Variants in FGD4 observed in about 807,000 individuals in gnomAD.
FGD4 encodes the protein FYVE, RhoGEF and PH domain containing 4, also known as FYVE, RhoGEF and PH domain-containing protein 4.
In FGD4, 42 loss-of-function variants were observed where a neutral mutation model predicts 102.0. The observed-to-expected ratio is 0.41, with a 90% CI of 0.32 to 0.53. The LOEUF is 0.53. FGD4 is among the 20% of genes least tolerant of loss of function. The pLI is 0.21. For missense variants in FGD4, 902 were observed against 1,078.2 expected, an observed-to-expected ratio of 0.84 and a Z score of 2.29; for synonymous variants, 380 against 375.7, an observed-to-expected ratio of 1.01 and a Z score of -0.13.
At chr12:32,535,461 C>T (rs895629203) in intron 1 of FGD4, among the ~76,000 whole-genome samples, 6 of 152,200 alleles carry the variant, frequency 3.9e-5, no homozygotes, top group Admixed American at 2.0e-4. Context: ...CAGCTGGCTC[C>T]GTTCCCAGGT....
intron 1 of FGD4, among the ~76,000 whole-genome samples, chr12:32,481,126 TCAAAAAA>T (rs1943749894): frequency 1.8e-4 from 1 of 5,638 alleles, no homozygotes; most frequent in African/African-American, 4.9e-4. Context: ...AGACTCCGTC[TCAAAAAA>T]AAAAAAAAAA....
At chr12:32,502,094 A>C in intron 1 of FGD4, 3 of 985,482 alleles carry the variant, frequency 3.0e-6, no homozygotes, top group Non-Finnish European at 2.4e-6. Context: ...ACACACTTCT[A>C]CCAATCGCCT....
intron 1 of FGD4, among the ~76,000 whole-genome samples, chr12:32,542,901 C>T (rs908529578): frequency 1.3e-5 from 2 of 152,150 alleles, no homozygotes; most frequent in Non-Finnish European, 2.9e-5. Flanking sequence ...TCTCTTTGTA[C>T]CCAGAGAACA....
chr12:32,476,255 C>T (rs370665757), intron 1 of FGD4, among the ~76,000 whole-genome samples: 1 of 152,272 alleles, frequency 6.6e-6, no homozygotes, highest in South Asian at 2.1e-4. Flanking sequence ...AGCAGAGCCT[C>T]CTTTCTGATA....
At chr12:32,521,307 C>T (rs11052038) in intron 1 of FGD4, among the ~76,000 whole-genome samples, 1 of 140,744 alleles carries the variant, frequency 7.1e-6, no homozygotes, top group Non-Finnish European at 1.5e-5. Context: ...ACCAGGGAAT[C>T]GGAGGTTACA....
At chr12:32,431,147 A>G (rs372963352) in intron 1 of FGD4, among the ~76,000 whole-genome samples, 2 of 152,240 alleles carry the variant, frequency 1.3e-5, no homozygotes, top group Non-Finnish European at 2.9e-5. Flanking sequence ...TAAAAATCAT[A>G]TAACTCCCAC....
At chr12:32,510,064 G>C (rs1939198785) in intron 1 of FGD4, among the ~76,000 whole-genome samples, 1 of 152,216 alleles carries the variant, frequency 6.6e-6, no homozygotes, top group African/African-American at 2.4e-5. Context: ...TAAGCAAATA[G>C]AGTACAACTA....
Position 32,399,577 on chromosome 12 carries a change from G to A in FGD4, c.-217G>A. On this transcript the variant is annotated 5_prime_UTR_variant, in exon 1 of 17. Coordinates refer to ENST00000534526, the MANE Select transcript of FGD4 (RefSeq NM_001370298.3). ...GGAGCTGCAGATACCGAGACGCTGCGACTGCCGCAGGAGTCGCCGCAGCCA... is the reference window on the plus strand; with the variant it reads ...GGAGCTGCAGATACCGAGACGCTGCAACTGCCGCAGGAGTCGCCGCAGCCA... 2 of 1,223,038 alleles carry A rather than the reference G, an allele frequency of 1.6e-6. No individual in the cohort carries two copies. Among genetic ancestry groups the A allele is most frequent in the Middle Eastern group, 2.9e-4 (1 of 3,446 alleles). The allele number at this position is 1,223,038 out of a possible 1,614,324, so 75.8% of individuals were successfully genotyped here.
chr12:32,449,398 T>A (rs1942708116), intron 1 of FGD4, among the ~76,000 whole-genome samples: 1 of 152,216 alleles, frequency 6.6e-6, no homozygotes, highest in Non-Finnish European at 1.5e-5. Flanking sequence ...CTATTTAGGT[T>A]CCTATAGCCT....
Position 32,608,078 on chromosome 12 carries a change from AC to A in FGD4, c.1527del (p.Trp510GlyfsTer22). Reference protein sequence around the residue: ...YLRKLPPDSLDWNDAKKSLEI... With the variant: ...YLRKLPPDSLXWNDAKKSLEI... ...AGGAAATTGCCTCCTGATTCCCTGGACTGGAATGATGCTAAAAGTAAATGCT... is the reference window on the plus strand; with the variant it reads ...AGGAAATTGCCTCCTGATTCCCTGGATGGAATGATGCTAAAAGTAAATGCT... On this transcript the variant is annotated frameshift_variant, in exon 8 of 17. Transcript: ENST00000534526. LOFTEE classifies it high-confidence loss of function. 2 of 1,614,152 alleles carry A rather than the reference AC, an allele frequency of 1.2e-6. No homozygotes were observed. Among genetic ancestry groups the A allele is most frequent in the Non-Finnish European group, 1.7e-6 (2 of 1,180,026 alleles).
At chr12:32,438,060 TTC>T (rs770297576) in intron 1 of FGD4, among the ~76,000 whole-genome samples, 2 of 152,176 alleles carry the variant, frequency 1.3e-5, no homozygotes, top group African/African-American at 2.4e-5. Context: ...TCCGGGTAAT[TTC>T]TATAGTTTTA....
At chr12:32,505,778 G>A (rs965177179) in intron 1 of FGD4, among the ~76,000 whole-genome samples, 3 of 152,240 alleles carry the variant, frequency 2.0e-5, no homozygotes, top group East Asian at 1.9e-4. Flanking sequence ...CTGACTTCCT[G>A]TGTAAGTAAT....
At chr12:32,464,144 T>C (rs972655049) in intron 1 of FGD4, among the ~76,000 whole-genome samples, 1 of 152,084 alleles carries the variant, frequency 6.6e-6, no homozygotes, top group African/African-American at 2.4e-5. Flanking sequence ...GGATTAGTCA[T>C]GTTTTTGTTT....
intron 10 of FGD4, among the ~76,000 whole-genome samples, chr12:32,615,152 TAA>T (rs143939794): frequency 0.014 from 2,088 of 152,290 alleles, 50 homozygotes; most frequent in African/African-American, 0.048. Context: ...GAAAAAGGAA[TAA>T]AAACTTATAT....
At position 32,608,101 on chromosome 12, in the gene FGD4, T is replaced by C. The variant is rs1948901413; in HGVS notation, c.1543+6T>C. The C allele has an allele frequency of 1.2e-6, 2 of 1,614,116 alleles. No homozygotes were observed. Among genetic ancestry groups the C allele is most frequent in the South Asian group, 2.2e-5 (2 of 91,084 alleles). ...GGACTGGAATGATGCTAAAAGTAAA[T>C]GCTTTTTTTTTGTTTTCTCCCTATT... On this transcript the variant is annotated splice_donor_region_variant and intron_variant, in intron 8 of 16. Coordinates refer to ENST00000534526, the MANE Select transcript of FGD4 (RefSeq NM_001370298.3).
chr12:32,603,998 T>TC (rs896339714), intron 7 of FGD4, among the ~76,000 whole-genome samples: 4 of 152,030 alleles, frequency 2.6e-5, no homozygotes, highest in African/African-American at 7.2e-5. Context: ...TATATGGAGA[T>TC]CCCCCCCAGC....
At chr12:32,427,290 A>G (rs1941873035) in intron 1 of FGD4, among the ~76,000 whole-genome samples, 3 of 152,166 alleles carry the variant, frequency 2.0e-5, no homozygotes, top group Non-Finnish European at 2.9e-5. Flanking sequence ...GTTTCAAAGA[A>G]CTTATTTATT....
At chr12:32,585,619 G>C (rs1202328100) in intron 4 of FGD4, among the ~76,000 whole-genome samples, 1 of 151,812 alleles carries the variant, frequency 6.6e-6, no homozygotes, top group Non-Finnish European at 1.5e-5. Flanking sequence ...AGGATCTCTC[G>C]AGTCCAGGAG....
intron 1 of FGD4, among the ~76,000 whole-genome samples, chr12:32,469,657 T>C (rs1354040992): frequency 6.6e-6 from 1 of 150,662 alleles, no homozygotes; most frequent in African/African-American, 2.4e-5. Flanking sequence ...AATTTTCTTT[T>C]TCTTCTTTGT....
Sources: gnomAD v4.1 joint callset for allele counts (sites outside exome capture counted in the v4.1 genomes callset) on GRCh38, gnomAD v4.1.1 for gene constraint, MANE v1.5 for transcripts, NCBI Gene and HGNC (gene_info 2026-07-23, HGNC 2026-07-21) for gene names.